The following NRXN3 variants were observed in gnomAD, a reference collection of about 807,000 sequenced individuals.
NRXN3 encodes neurexin 3.
NRXN3 carries 32 observed loss-of-function variants against 137.6 expected under a neutral mutation model. The observed-to-expected ratio is 0.23, with a 90% CI of 0.18 to 0.31. The LOEUF is 0.31. NRXN3 is among the 10% of genes least tolerant of loss of function. NRXN3 has a pLI of 1.00. For missense variants in NRXN3, 1,574 were observed against 2,062.5 expected, an observed-to-expected ratio of 0.76 and a Z score of 4.59; for synonymous variants, 798 against 784.5, an observed-to-expected ratio of 1.02 and a Z score of -0.29.
chr14:78,338,236 A>G (rs770610306), intron 4 of NRXN3, among the ~76,000 whole-genome samples: 1 of 152,192 alleles, frequency 6.6e-6, no homozygotes, highest in Non-Finnish European at 1.5e-5. Context: ...CATTAGCCAC[A>G]TGTGACTACA....
At chr14:78,767,870 T>C (rs1281057291) in intron 8 of NRXN3, among the ~76,000 whole-genome samples, 2 of 152,086 alleles carry the variant, frequency 1.3e-5, no homozygotes, top group Non-Finnish European at 2.9e-5. Flanking sequence ...TTAAGCTTAG[T>C]AGAGAGAACT....
chr14:79,647,980 T>C (rs2098459659), intron 16 of NRXN3, among the ~76,000 whole-genome samples: 1 of 135,098 alleles, frequency 7.4e-6, no homozygotes, highest in Non-Finnish European at 1.7e-5. Context: ...AAGCCTGTGA[T>C]TGTTATATTA....
At chr14:78,510,560 A>C (rs532932362) in intron 4 of NRXN3, among the ~76,000 whole-genome samples, 1 of 152,354 alleles carries the variant, frequency 6.6e-6, no homozygotes, top group East Asian at 1.9e-4. Context: ...GATGACAAAA[A>C]GGAAATAACT....
intron 10 of NRXN3, among the ~76,000 whole-genome samples, chr14:78,892,830 G>A (rs1344750282): frequency 6.8e-6 from 1 of 148,044 alleles, no homozygotes; most frequent in Non-Finnish European, 1.5e-5. Flanking sequence ...CTAAGAAGGA[G>A]TCACACGGCT....
intron 17 of NRXN3, among the ~76,000 whole-genome samples, chr14:79,689,308 T>C (rs1217110819): frequency 6.6e-6 from 1 of 152,142 alleles, no homozygotes; most frequent in Non-Finnish European, 1.5e-5. Context: ...TAAGAATACT[T>C]ATATTTAGAA....
At chr14:78,310,260 C>CTTTTTTTTTTTTT (rs201314931) in intron 4 of NRXN3, among the ~76,000 whole-genome samples, 1 of 125,720 alleles carries the variant, frequency 8.0e-6, no homozygotes, top group African/African-American at 3.0e-5. Flanking sequence ...TTATGAATGG[C>CTTTTTTTTTTTTT]TTTTTTTTTT....
intron 15 of NRXN3, among the ~76,000 whole-genome samples, chr14:79,400,124 C>T (rs145367573): frequency 1.3e-5 from 2 of 152,306 alleles, no homozygotes; most frequent in African/African-American, 4.8e-5. Context: ...GTATCTACAA[C>T]GATTCTATTT....
chr14:79,860,056 AT>A (rs902322045), intron 20 of NRXN3, among the ~76,000 whole-genome samples: 1 of 152,172 alleles, frequency 6.6e-6, no homozygotes, highest in Non-Finnish European at 1.5e-5. Context: ...ACTGCAGAAT[AT>A]TTGTGGTACC....
At chr14:78,796,373 C>T (rs772401823) in intron 8 of NRXN3, among the ~76,000 whole-genome samples, 1 of 152,232 alleles carries the variant, frequency 6.6e-6, no homozygotes, top group Non-Finnish European at 1.5e-5. Context: ...CACAGAAATT[C>T]TGCCCAGGGA....
At chr14:79,132,565 A>G (rs1220738548) in intron 15 of NRXN3, among the ~76,000 whole-genome samples, 4 of 152,224 alleles carry the variant, frequency 2.6e-5, no homozygotes, top group Admixed American at 1.3e-4. Flanking sequence ...ATTTAAAATT[A>G]TATATTTGCT....
chr14:78,781,114 C>T (rs2098767765), intron 8 of NRXN3, among the ~76,000 whole-genome samples: 1 of 152,086 alleles, frequency 6.6e-6, no homozygotes, highest in Non-Finnish European at 1.5e-5. Context: ...CTACATGCAA[C>T]ATTAGTGAAC....
At chr14:78,172,422 T>C (rs2058811290) in intron 1 of NRXN3, among the ~76,000 whole-genome samples, 1 of 152,114 alleles carries the variant, frequency 6.6e-6, no homozygotes, top group Admixed American at 6.5e-5. Context: ...CTACTGGGTA[T>C]GTGGCGGAAG....
At chr14:78,584,933 T>G (rs80170941) in intron 4 of NRXN3, among the ~76,000 whole-genome samples, 3,814 of 152,312 alleles carry the variant, frequency 0.025, 58 homozygotes, top group Non-Finnish European at 0.042. Flanking sequence ...TATTTCTTTA[T>G]TTTAAAGAAT....
chr14:79,004,139 C>T (rs1186754593), intron 15 of NRXN3, among the ~76,000 whole-genome samples: 1 of 152,082 alleles, frequency 6.6e-6, no homozygotes, highest in Non-Finnish European at 1.5e-5. Context: ...AAACTGATTG[C>T]CAAGGGTCCT....
intron 16 of NRXN3, among the ~76,000 whole-genome samples, chr14:79,507,314 A>G (rs2153684279): frequency 6.6e-6 from 1 of 152,304 alleles, no homozygotes; most frequent in Admixed American, 6.5e-5. Context: ...GATTTTTACT[A>G]TTTGGCATGA....
At chr14:79,715,722 G>A (rs770781549) in intron 19 of NRXN3, among the ~76,000 whole-genome samples, 1 of 152,226 alleles carries the variant, frequency 6.6e-6, no homozygotes, top group African/African-American at 2.4e-5. Context: ...ATGACACAGT[G>A]TGATAAAGGA....
intron 6 of NRXN3, among the ~76,000 whole-genome samples, chr14:78,667,480 G>T (rs972703499): frequency 1.3e-5 from 2 of 152,156 alleles, no homozygotes; most frequent in African/African-American, 4.8e-5. Context: ...TTTGAAAACA[G>T]AGTTTTTGTA....
chr14:78,323,297 G>A (rs1427849786), intron 4 of NRXN3, among the ~76,000 whole-genome samples: 1 of 151,964 alleles, frequency 6.6e-6, no homozygotes, highest in Non-Finnish European at 1.5e-5. Context: ...CACAGAAGGA[G>A]GTGAGTTGGG....
intron 15 of NRXN3, among the ~76,000 whole-genome samples, chr14:79,024,614 C>T (rs954426335): frequency 6.6e-6 from 1 of 152,010 alleles, no homozygotes; most frequent in Non-Finnish European, 1.5e-5. Context: ...CATTTTAGTG[C>T]AGGAATGTTG....
Sources: allele counts gnomAD v4.1 joint callset (sites outside exome capture counted in the v4.1 genomes callset), GRCh38; gene constraint gnomAD v4.1.1; transcripts MANE v1.5; gene names NCBI Gene and HGNC (gene_info 2026-07-23, HGNC 2026-07-21).